The following MCC variants were observed in gnomAD, a reference collection of about 807,000 sequenced individuals.
MCC encodes the protein MCC regulator of Wnt signaling pathway.
MCC carries 90 observed loss-of-function variants against 116.2 expected under a neutral mutation model. The ratio of observed to expected loss-of-function variants is 0.77; its 90% CI spans 0.65 to 0.92. The LOEUF (loss-of-function observed/expected upper bound fraction) is 0.92. Ranked by LOEUF, MCC falls within the 40% of genes least tolerant of loss-of-function variation. The pLI is 0.00. For synonymous variants in MCC, 578 were observed against 510.5 expected, an observed-to-expected ratio of 1.13 and a Z score of -1.78; for missense variants, 1,516 against 1,312.2, an observed-to-expected ratio of 1.16 and a Z score of -2.40.
At chr5:113,101,989 G>A (rs769556359) in intron 7 of MCC, 44 bp from the exon 8 acceptor site, 6 of 1,589,778 alleles carry the variant, frequency 3.8e-6, no homozygotes, top group South Asian at 1.1e-5. Context: ...AGTTACCTTG[G>A]AGAAAGGGGA....
chr5:113,141,256 C>G (rs917795874), intron 5 of MCC, among the ~76,000 whole-genome samples: 2 of 152,142 alleles, frequency 1.3e-5, no homozygotes, highest in African/African-American at 4.8e-5. Flanking sequence ...GGTTTTCAAG[C>G]CTTTGGCTTG....
intron 5 of MCC, among the ~76,000 whole-genome samples, chr5:113,138,967 G>A (rs1298902992): frequency 2.6e-5 from 4 of 152,128 alleles, no homozygotes; most frequent in African/African-American, 9.7e-5. Flanking sequence ...TATTCATTGT[G>A]ATGACAAGTA....
intron 6 of MCC, among the ~76,000 whole-genome samples, chr5:113,108,214 G>T (rs7707570): frequency 1.5e-4 from 23 of 151,140 alleles, no homozygotes; most frequent in African/African-American, 5.3e-4. Context: ...GTGTGGTGGC[G>T]CACACCTGTA....
intron 3 of MCC, among the ~76,000 whole-genome samples, chr5:113,182,698 G>A (rs1438564384): frequency 6.6e-6 from 1 of 152,190 alleles, no homozygotes; most frequent in Non-Finnish European, 1.5e-5. Context: ...ATGTCACAGT[G>A]AGTTTTGCAT....
chr5:113,047,597 T>C (rs996401702), intron 16 of MCC, among the ~76,000 whole-genome samples: 2 of 152,206 alleles, frequency 1.3e-5, no homozygotes, highest in South Asian at 2.1e-4. Flanking sequence ...CCTGCACTTA[T>C]GCTATGAGAA....
At chr5:113,360,905 C>T (rs1050832369) in intron 2 of MCC, among the ~76,000 whole-genome samples, 1 of 152,190 alleles carries the variant, frequency 6.6e-6, no homozygotes, top group African/African-American at 2.4e-5. Context: ...CCTGGATGTC[C>T]TACTCCTGCT....
chr5:113,412,957 C>T (rs545408308), intron 1 of MCC, among the ~76,000 whole-genome samples: 268 of 152,162 alleles, frequency 1.8e-3, no homozygotes, highest in African/African-American at 5.9e-3. Flanking sequence ...CAATACCTAG[C>T]TTATTGAGAG....
chr5:113,289,521 A>C (rs1766403348), intron 3 of MCC, among the ~76,000 whole-genome samples: 1 of 152,070 alleles, frequency 6.6e-6, no homozygotes. Context: ...GACCAACAGA[A>C]CACACAGAAA....
chr5:113,278,966 G>A (rs1176560958), intron 3 of MCC, among the ~76,000 whole-genome samples: 1 of 152,250 alleles, frequency 6.6e-6, no homozygotes, highest in South Asian at 2.1e-4. Flanking sequence ...TAACATGTTA[G>A]AGTATTTTTA....
At chr5:113,322,114 G>A (rs1370612381) in intron 3 of MCC, among the ~76,000 whole-genome samples, 1 of 152,174 alleles carries the variant, frequency 6.6e-6, no homozygotes, top group Non-Finnish European at 1.5e-5. Flanking sequence ...TTACAGGCAT[G>A]AGCCACCGCA....
At chr5:113,095,529 T>C (rs1365306811) in intron 8 of MCC, among the ~76,000 whole-genome samples, 1 of 152,190 alleles carries the variant, frequency 6.6e-6, no homozygotes, top group Non-Finnish European at 1.5e-5. Context: ...CAAAATTATT[T>C]ATTTTTAGAG....
intron 3 of MCC, among the ~76,000 whole-genome samples, chr5:113,254,850 A>T (rs1440518105): frequency 6.6e-6 from 1 of 152,156 alleles, no homozygotes; most frequent in Non-Finnish European, 1.5e-5. Context: ...CTCCATTTCC[A>T]ACCCTTCTCC....
At chr5:113,118,362 TA>T (rs144404238) in intron 6 of MCC, among the ~76,000 whole-genome samples, 3 of 152,060 alleles carry the variant, frequency 2.0e-5, no homozygotes, top group South Asian at 2.1e-4. Context: ...GTAATTTTTT[TA>T]AAAAAAACAT....
At chr5:113,087,903 G>A (rs1310663569) in intron 8 of MCC, among the ~76,000 whole-genome samples, 1 of 151,776 alleles carries the variant, frequency 6.6e-6, no homozygotes, top group Non-Finnish European at 1.5e-5. Context: ...AGTAAAACAT[G>A]CTCACTGTGG....
At chr5:113,085,597 C>A (rs1044402819) in intron 8 of MCC, among the ~76,000 whole-genome samples, 1 of 152,106 alleles carries the variant, frequency 6.6e-6, no homozygotes, top group African/African-American at 2.4e-5. Context: ...ATATTCTTAA[C>A]GGAATCTGCC....
At chr5:113,162,808 C>G (rs116453825) in intron 3 of MCC, among the ~76,000 whole-genome samples, 2,425 of 152,196 alleles carry the variant, frequency 0.016, 39 homozygotes, top group Non-Finnish European at 0.026. Flanking sequence ...TCCACTGCCA[C>G]CTTACTGACC....
In MCC at chr5:113,170,939, C is replaced by G. The variant is rs74560914; in HGVS notation, c.628-19517G>C. Reference sequence around the variant, plus strand: ...GTGTTTGGCTCCCACACTGGGCGTTCTGCATCCAGAACTGAGACTCTGTGG... The same window carrying G: ...GTGTTTGGCTCCCACACTGGGCGTTGTGCATCCAGAACTGAGACTCTGTGG... On this transcript the variant is annotated intron_variant, in intron 3 of 18. Coordinates refer to ENST00000408903, the MANE Select transcript of MCC (RefSeq NM_001085377.2). Among the ~76,000 whole-genome samples the G allele has an allele frequency of 9.2e-5, 14 of 152,190 alleles. No individual in the cohort carries two copies. The Middle Eastern group carries it at 0.014, about 148-fold the overall frequency.
chr5:113,303,571 G>A (rs1014655259), intron 3 of MCC, among the ~76,000 whole-genome samples: 1 of 152,218 alleles, frequency 6.6e-6, no homozygotes, highest in Non-Finnish European at 1.5e-5. Flanking sequence ...GACCTTGAGA[G>A]AATCAATGTC....
At chr5:113,237,353 T>C (rs980616379) in intron 3 of MCC, among the ~76,000 whole-genome samples, 6 of 152,216 alleles carry the variant, frequency 3.9e-5, no homozygotes, top group African/African-American at 1.4e-4. Flanking sequence ...AGCACAAAAA[T>C]ATTTTAATAT....
Sources: gnomAD v4.1 joint callset for allele counts (sites outside exome capture counted in the v4.1 genomes callset) on GRCh38, gnomAD v4.1.1 for gene constraint, MANE v1.5 for transcripts, NCBI Gene and HGNC (gene_info 2026-07-23, HGNC 2026-07-21) for gene names.